CNTNAP2: variants seen among roughly 807,000 people sequenced by gnomAD.
CNTNAP2 encodes contactin-associated protein-like 2.
Under a neutral mutation model 155.2 loss-of-function variants are expected in CNTNAP2, and 98 were observed. That is an observed-to-expected ratio of 0.63 (90% CI 0.54 to 0.75). The LOEUF (loss-of-function observed/expected upper bound fraction) is 0.75, where lower values mean the gene tolerates loss of function less well. Among genes scored for constraint, CNTNAP2 ranks in the 30% least tolerant of loss-of-function variants. The probability of loss-of-function intolerance (pLI) is 0.00; values close to 1 mark genes in which losing one functional copy is unlikely to be tolerated. For synonymous variants in CNTNAP2, 651 were observed against 631.2 expected, an observed-to-expected ratio of 1.03 and a Z score of -0.47; for missense variants, 1,727 against 1,688.1, an observed-to-expected ratio of 1.02 and a Z score of -0.40.
chr7:147,762,082 T>A (rs1797310133), intron 13 of CNTNAP2, among the ~76,000 whole-genome samples: 1 of 152,160 alleles, frequency 6.6e-6, no homozygotes, highest in African/African-American at 2.4e-5. Context: ...ATTTGAAGTG[T>A]ATATACTCAC....
chr7:147,647,502 T>A (rs139312729), intron 13 of CNTNAP2, among the ~76,000 whole-genome samples: 232 of 152,318 alleles, frequency 1.5e-3, no homozygotes, highest in Middle Eastern at 0.01. Flanking sequence ...ATCACCATTT[T>A]TTCTGAATTT....
chr7:147,933,537 ATAGATAT>A (rs770574350), intron 14 of CNTNAP2, among the ~76,000 whole-genome samples: 10,615 of 120,448 alleles, frequency 0.088, 486 homozygotes, highest in East Asian at 0.28. Context: ...AGATAGATAG[ATAGATAT>A]AACAGAATAT....
intron 6 of CNTNAP2, among the ~76,000 whole-genome samples, chr7:147,124,806 T>A (rs1385848254): frequency 6.6e-6 from 1 of 151,118 alleles, no homozygotes; most frequent in Non-Finnish European, 1.5e-5. Flanking sequence ...GAGATGAACA[T>A]CATGAAAGAA....
chr7:147,699,915 T>G (rs988890667), intron 13 of CNTNAP2, among the ~76,000 whole-genome samples: 1 of 152,206 alleles, frequency 6.6e-6, no homozygotes, highest in African/African-American at 2.4e-5. Flanking sequence ...GAATATTTTA[T>G]ATAAATGGAA....
At chr7:147,384,802 A>G (rs1021634213) in intron 9 of CNTNAP2, among the ~76,000 whole-genome samples, 9 of 152,290 alleles carry the variant, frequency 5.9e-5, no homozygotes, top group African/African-American at 1.9e-4. Flanking sequence ...CTTACCAAAA[A>G]AATTGCAAGA....
At chr7:146,155,497 A>G (rs1013454134) in intron 1 of CNTNAP2, among the ~76,000 whole-genome samples, 3 of 152,098 alleles carry the variant, frequency 2.0e-5, no homozygotes, top group Non-Finnish European at 4.4e-5. Context: ...TGTTCAATTG[A>G]TAAAAACTGA....
At chr7:146,686,911 C>T (rs905898806) in intron 1 of CNTNAP2, among the ~76,000 whole-genome samples, 1 of 152,146 alleles carries the variant, frequency 6.6e-6, no homozygotes, top group African/African-American at 2.4e-5. Context: ...GCTTCTGTGG[C>T]TGGGTGCTCC....
chr7:146,438,502 T>G (rs528427126), intron 1 of CNTNAP2, among the ~76,000 whole-genome samples: 1 of 151,582 alleles, frequency 6.6e-6, no homozygotes, highest in East Asian at 1.9e-4. Flanking sequence ...GGGCTACATA[T>G]TTATAATGAG....
At chr7:147,876,267 A>G (rs543268856) in intron 13 of CNTNAP2, among the ~76,000 whole-genome samples, 1 of 152,032 alleles carries the variant, frequency 6.6e-6, no homozygotes, top group Non-Finnish European at 1.5e-5. Context: ...ACTGACATGT[A>G]TTGGGCTTTT....
intron 13 of CNTNAP2, among the ~76,000 whole-genome samples, chr7:147,711,510 A>G (rs1796399628): frequency 6.6e-6 from 1 of 152,188 alleles, no homozygotes; most frequent in Non-Finnish European, 1.5e-5. Flanking sequence ...GCAGAAAAGC[A>G]CTGCTCTATA....
chr7:146,494,617 A>C (rs1257618687), intron 1 of CNTNAP2, among the ~76,000 whole-genome samples: 1 of 152,162 alleles, frequency 6.6e-6, no homozygotes, highest in African/African-American at 2.4e-5. Flanking sequence ...AGGGTATAGT[A>C]CTGTGTGATA....
intron 12 of CNTNAP2, among the ~76,000 whole-genome samples, chr7:147,630,316 T>TG (rs1286214301): frequency 3.1e-4 from 23 of 73,108 alleles, no homozygotes; most frequent in Admixed American, 2.3e-3. Flanking sequence ...GAAACAGTAG[T>TG]AAAAAAAAAA....
chr7:146,638,499 C>T (rs10557902), intron 1 of CNTNAP2, among the ~76,000 whole-genome samples: 61,892 of 91,380 alleles, frequency 0.68, 18,400 homozygotes, highest in Non-Finnish European at 0.74. Flanking sequence ...TTTTTTTTTT[C>T]TTTGAGATGG....
At chr7:148,185,998 A>G (rs1795109850) in intron 18 of CNTNAP2, among the ~76,000 whole-genome samples, 1 of 152,238 alleles carries the variant, frequency 6.6e-6, no homozygotes, top group Non-Finnish European at 1.5e-5. Flanking sequence ...ATCAAGGACT[A>G]TTCCAAAAGA....
intron 14 of CNTNAP2, among the ~76,000 whole-genome samples, chr7:147,935,733 G>A (rs1800595810): frequency 6.6e-6 from 1 of 152,056 alleles, no homozygotes; most frequent in African/African-American, 2.4e-5. Context: ...TGAAAGGTGA[G>A]CTTTATCTTG....
intron 13 of CNTNAP2, among the ~76,000 whole-genome samples, chr7:147,839,974 A>G (rs940775052): frequency 6.6e-6 from 1 of 151,822 alleles, no homozygotes; most frequent in Non-Finnish European, 1.5e-5. Flanking sequence ...ACCATGGAAT[A>G]CTACTCAGCC....
intron 10 of CNTNAP2, among the ~76,000 whole-genome samples, chr7:147,421,473 A>G (rs1464449999): frequency 1.3e-5 from 2 of 151,966 alleles, no homozygotes; most frequent in East Asian, 3.9e-4. Context: ...TAAAATACAA[A>G]TACAATTAAC....
intron 18 of CNTNAP2, among the ~76,000 whole-genome samples, chr7:148,197,390 A>C (rs1465987712): frequency 1.3e-5 from 2 of 152,232 alleles, no homozygotes; most frequent in African/African-American, 4.8e-5. Flanking sequence ...TATATATTAA[A>C]AACAAAATAG....
chr7:146,353,266 C>T (rs1190051847), intron 1 of CNTNAP2, among the ~76,000 whole-genome samples: 1 of 152,188 alleles, frequency 6.6e-6, no homozygotes, highest in Non-Finnish European at 1.5e-5. Context: ...TCTTTCTTGA[C>T]TCAACAGTAG....
Sources: gnomAD v4.1 joint callset for allele counts (sites outside exome capture counted in the v4.1 genomes callset) on GRCh38, gnomAD v4.1.1 for gene constraint, MANE v1.5 for transcripts, NCBI Gene and HGNC (gene_info 2026-07-23, HGNC 2026-07-21) for gene names.